Variants in UNK observed in about 807,000 individuals in gnomAD.
UNK encodes the protein RING finger protein unkempt homolog.
A neutral mutation model predicts 97.6 loss-of-function variants in UNK; 32 were observed. The observed-to-expected ratio is 0.33, with a 90% confidence interval of 0.25 to 0.44. The LOEUF (loss-of-function observed/expected upper bound fraction) is 0.44, where lower values mean the gene tolerates loss of function less well. Ranked by LOEUF, UNK falls within the 20% of genes least tolerant of loss-of-function variation. UNK has a pLI of 1.00. For missense variants in UNK, 771 were observed against 1,098.4 expected (o/e 0.70, Z 4.21); for synonymous variants, 441 against 461.2 (o/e 0.96, Z 0.56).
At chr17:75,790,107 C>T (rs964838915) in intron 1 of UNK, among the ~76,000 whole-genome samples, 6 of 152,164 alleles carry the variant, frequency 3.9e-5, no homozygotes, top group African/African-American at 1.4e-4. Flanking sequence ...CGCGCCATTG[C>T]ACTCCAGCCT....
rs1387031873 is a variant in UNK, at chr17:75,818,645, A to G, written c.1375A>G (p.Met459Val). 3.1e-6 allele frequency: 5 copies of G among 1,592,596 alleles called. No homozygotes were observed. The highest frequency in any genetic ancestry group is 4.5e-5 in the East Asian group (2 of 44,224). The change falls in exon 11 of 16, where the codon ATG becomes GTG. Residue 459 changes from methionine to valine, a missense_variant. Physicochemically the swap from Met to Val is conservative, Grantham distance 21. Around this residue, in one of 5 missense-constraint regions of UNK, gnomAD observed 192 missense variants for 202.4 expected, o/e 0.95. Coordinates refer to ENST00000589666, the MANE Select transcript of UNK (RefSeq NM_001080419.3). This position sits in a 1 kb window ranked among gnomAD's most constrained non-coding sequence, Gnocchi z 5.1. ...CCTCTTCCCTCTCTCGTTGCAGGAC[A>G]TGCTGGGCATCCTCCCCGCAGGCAG... is the stretch of plus-strand genomic sequence containing the variant. ...EQPLLQPKQDMLGILPAGSPL... is the reference protein window; with the variant it reads ...EQPLLQPKQDVLGILPAGSPL...
rs2143796156 is a variant in UNK, at chr17:75,815,221, G to A, written c.929G>A (p.Arg310Gln). The change falls in exon 7 of 16, where the codon CGA (arginine) becomes CAA (glutamine). Residue 310 changes from arginine (R) to glutamine (Q), a missense_variant. This residue lies in a region of UNK where 246 missense variants were observed against 440.7 expected (regional missense o/e 0.56). Coordinates refer to ENST00000589666, the MANE Select transcript of UNK (RefSeq NM_001080419.3). ...NDMQQSGSCP[R>Q]GPFCAFAHVE... ...ATGCAGCAGTCGGGCAGCTGTCCCCGAGGACCCTTCTGCGCCTTTGCCCAC... is the reference window on the plus strand; with the variant it reads ...ATGCAGCAGTCGGGCAGCTGTCCCCAAGGACCCTTCTGCGCCTTTGCCCAC... The A allele has an allele frequency of 1.2e-6, 2 of 1,613,510 alleles. No homozygotes were observed. The highest frequency in any genetic ancestry group is 1.7e-5 in the Admixed American group (1 of 60,024).
chr17:75,801,694 C>A (rs11652539), intron 1 of UNK, among the ~76,000 whole-genome samples: 75,032 of 151,032 alleles, frequency 0.5, 22,803 homozygotes, highest in Admixed American at 0.65. Flanking sequence ...CTACAGGCGC[C>A]CGCCACCACA....
Position 75,819,718 on chromosome 17 carries a change from T to C in UNK, c.1581T>C (p.Phe527=). 1 of 1,613,890 alleles carries C rather than the reference T, an allele frequency of 6.2e-7. No homozygotes were observed. Among genetic ancestry groups the C allele is most frequent in the Non-Finnish European group, 8.5e-7 (1 of 1,179,890 alleles). ...TGGATGACCTGGACCTGAATGAGTT[T>C]GGCGTGGCCGCCCTGGAGAAGACTT... ...SALDDLDLNE[F]GVAALEKTFD... The change falls in exon 12 of 16, where the codon TTT becomes TTC. Residue 527 remains phenylalanine (F), a synonymous_variant. Transcript: ENST00000589666. This position sits in a 1 kb window ranked among gnomAD's most constrained non-coding sequence, Gnocchi z 5.4.
At position 75,813,807 on chromosome 17, in the gene UNK, C is replaced by A; in HGVS notation, c.805C>A (p.Pro269Thr). ...NVKHGDEWGD[P>T]GKCENGDACQ... is the part of the protein sequence containing the mutation. ...CAAGCACGGGGATGAGTGGGGAGAC[C>A]CTGGCAAGTGTGAGAACGGAGACGC... The change falls in exon 6 of 16, where the codon CCT (proline) becomes ACT (threonine). Residue 269 changes from proline to threonine, a missense_variant. Transcript: ENST00000589666. The A allele has an allele frequency of 6.2e-7, 1 of 1,600,828 alleles. No homozygotes were observed. The highest frequency in any genetic ancestry group is 8.5e-7 in the Non-Finnish European group (1 of 1,174,328).
At position 75,816,172 on chromosome 17, in the gene UNK, CATG is replaced by C. The variant is rs139629111; in HGVS notation, c.962-595_962-593del. On this transcript the variant is annotated intron_variant, in intron 7 of 15. Coordinates refer to ENST00000589666, the MANE Select transcript of UNK (RefSeq NM_001080419.3). This position sits in a 1 kb window ranked among gnomAD's most constrained non-coding sequence, Gnocchi z 4.0. ...GGACAGTGTGGGTCTGGATCCTCAGCATGATACTGTAGGCCGCCACCAGTCTCA... is the reference window on the plus strand; with the variant it reads ...GGACAGTGTGGGTCTGGATCCTCAGCATACTGTAGGCCGCCACCAGTCTCA... Among the ~76,000 whole-genome samples the C allele has an allele frequency of 7.2e-3, 1,102 of 152,284 alleles. 14 individuals are homozygous for C. The highest frequency in any genetic ancestry group is 0.026 in the African/African-American group (1,073 of 41,558).
rs1210543460 is a variant in UNK, at chr17:75,817,165, C to A, written c.1105-161C>A. Among the ~76,000 whole-genome samples, 2 of 151,342 alleles carry A rather than the reference C, an allele frequency of 1.3e-5. No homozygotes were observed. Among genetic ancestry groups the A allele is most frequent in the African/African-American group, 2.4e-5 (1 of 41,398 alleles). ...ACAAAGCCTGAGGTCACTCCCCTTT[C>A]CTTCGTGAGCTTCGGGCTCCCCGAG... On this transcript the variant is annotated intron_variant, in intron 8 of 15. Transcript: ENST00000589666. The surrounding 1 kb of genome is among the most constrained non-coding windows in gnomAD (Gnocchi z 5.8).
intron 1 of UNK, among the ~76,000 whole-genome samples, chr17:75,806,320 G>C (rs992095345): frequency 6.6e-6 from 1 of 151,770 alleles, no homozygotes. Flanking sequence ...TTAGCCAGGC[G>C]TGGTAGCATG....
At position 75,818,996 on chromosome 17, in the gene UNK, C is replaced by A; in HGVS notation, c.1546+180C>A. ...GGGGAAATGACCCCAAGGTGTAGGG[C>A]CAGGACTGACCCTTAGAGCTCCTTT... On this transcript the variant is annotated intron_variant, in intron 11 of 15. Coordinates refer to ENST00000589666, the MANE Select transcript of UNK (RefSeq NM_001080419.3). This position sits in a 1 kb window ranked among gnomAD's most constrained non-coding sequence, Gnocchi z 5.1. 1 of 668,896 alleles carries A rather than the reference C, an allele frequency of 1.5e-6. No individual in the cohort carries two copies. Among genetic ancestry groups the A allele is most frequent in the Non-Finnish European group, 2.4e-6 (1 of 423,714 alleles). The allele number at this position is 668,896 out of a possible 1,614,324, so 41.4% of individuals were successfully genotyped here.
chr17:75,813,427 C>T (rs1318838635), intron 5 of UNK, among the ~76,000 whole-genome samples: 1 of 152,152 alleles, frequency 6.6e-6, no homozygotes. Flanking sequence ...CTGGTCAGAC[C>T]GTCTCTGAGG....
chr17:75,810,075 G>A, intron 2 of UNK, 106 bp downstream of exon 2: 6 of 1,397,428 alleles, frequency 4.3e-6, no homozygotes, highest in Middle Eastern at 2.1e-4. Flanking sequence ...AGGACTGGTT[G>A]CAGCCCAGCC....
At chr17:75,788,433 C>T (rs2061733310) in intron 1 of UNK, among the ~76,000 whole-genome samples, 1 of 152,180 alleles carries the variant, frequency 6.6e-6, no homozygotes, top group African/African-American at 2.4e-5. Flanking sequence ...CCACCTTGGC[C>T]TCCCAAACTG....
At chr17:75,805,082 G>C (rs1050455218) in intron 1 of UNK, among the ~76,000 whole-genome samples, 15 of 150,670 alleles carry the variant, frequency 1.0e-4, no homozygotes, top group Non-Finnish European at 5.9e-5. Context: ...TTGGGAGGCT[G>C]AGGCAGGAGA....
At chr17:75,788,773 C>T (rs896250916) in intron 1 of UNK, among the ~76,000 whole-genome samples, 3 of 151,998 alleles carry the variant, frequency 2.0e-5, no homozygotes, top group Admixed American at 6.6e-5. Context: ...CATGGGAAGG[C>T]GTGAGCCTGA....
chr17:75,814,779 A>G (rs1210862679), intron 6 of UNK, among the ~76,000 whole-genome samples: 2 of 152,236 alleles, frequency 1.3e-5, no homozygotes, highest in Admixed American at 6.5e-5. Flanking sequence ...GGTTACTTAT[A>G]TAGGTCACAA....
At chr17:75,797,298 C>T (rs1332711444) in intron 1 of UNK, among the ~76,000 whole-genome samples, 2 of 152,226 alleles carry the variant, frequency 1.3e-5, no homozygotes, top group African/African-American at 4.8e-5. Flanking sequence ...TGCGGTGGCG[C>T]AATCTCGGCT....
At chr17:75,806,512 G>A (rs1470824724) in intron 1 of UNK, among the ~76,000 whole-genome samples, 3 of 151,526 alleles carry the variant, frequency 2.0e-5, no homozygotes, top group Non-Finnish European at 2.9e-5. Context: ...GGTGGCTCAC[G>A]CCTGTAATCC....
chr17:75,800,041 C>T (rs1028641693), intron 1 of UNK, among the ~76,000 whole-genome samples: 1 of 152,196 alleles, frequency 6.6e-6, no homozygotes, highest in African/African-American at 2.4e-5. Flanking sequence ...AGCCTGCTGC[C>T]TGCTTTTTTA....
chr17:75,796,255 TAGA>T (rs755419316), intron 1 of UNK, among the ~76,000 whole-genome samples: 11 of 152,090 alleles, frequency 7.2e-5, no homozygotes, highest in Admixed American at 7.2e-4. Context: ...AGGATCACTT[TAGA>T]AGATTTGGAA....
Sources: allele counts gnomAD v4.1 joint callset (sites outside exome capture counted in the v4.1 genomes callset), GRCh38; gene constraint gnomAD v4.1.1; regional missense constraint gnomAD v4.1.1; non-coding constraint Gnocchi (gnomAD v3.1); transcripts MANE v1.5; gene names NCBI Gene and HGNC (gene_info 2026-07-23, HGNC 2026-07-21).